AUTS2: variants seen among roughly 807,000 people sequenced by gnomAD.
The protein encoded by AUTS2 is activator of transcription and developmental regulator AUTS2, also known as autism susceptibility gene 2 protein.
Under a neutral mutation model 112.4 loss-of-function variants are expected in AUTS2, and 17 were observed. The observed-to-expected ratio is 0.15, with a 90% CI of 0.10 to 0.23. The LOEUF is 0.23. Among genes scored for constraint, AUTS2 ranks in the 10% least tolerant of loss-of-function variants. The pLI is 1.00. For missense variants in AUTS2, 1,510 were observed against 1,701.6 expected, an observed-to-expected ratio of 0.89 and a Z score of 1.98; for synonymous variants, 751 against 702.7, an observed-to-expected ratio of 1.07 and a Z score of -1.09.
At chr7:69,830,635 G>A (rs1001401028) in intron 1 of AUTS2, among the ~76,000 whole-genome samples, 8 of 152,160 alleles carry the variant, frequency 5.3e-5, no homozygotes, top group African/African-American at 1.9e-4. Flanking sequence ...AACTGAGGAA[G>A]CGTTTGTTAT....
Position 69,948,628 on chromosome 7 carries a change from C to G in AUTS2, c.522+49130C>G, listed in dbSNP as rs201182329. ...AATGGCTAGACTTTTCATCTGTGCT[C>G]TTATCCTAACATGTCTTTAACTCTT... On this transcript the variant is annotated intron_variant, in intron 2 of 18. Transcript: ENST00000342771. 1.4e-4 allele frequency among the ~76,000 whole-genome samples: 21 copies of G among 152,180 alleles called. No homozygotes were observed. The East Asian group carries it at 3.5e-3, about 25-fold the overall frequency.
chr7:70,762,536 G>A (rs1334900192), intron 6 of AUTS2, among the ~76,000 whole-genome samples: 2 of 151,982 alleles, frequency 1.3e-5, no homozygotes, highest in Non-Finnish European at 2.9e-5. Context: ...TCAAAGTGTT[G>A]AGATTACAGG....
At chr7:69,999,065 A>C (rs986793670) in intron 2 of AUTS2, among the ~76,000 whole-genome samples, 9 of 152,182 alleles carry the variant, frequency 5.9e-5, no homozygotes, top group Admixed American at 2.0e-4. Context: ...TTTCTCTGCA[A>C]TATGAATATA....
chr7:69,947,638 C>T (rs1415268140), intron 2 of AUTS2, among the ~76,000 whole-genome samples: 2 of 152,108 alleles, frequency 1.3e-5, no homozygotes, highest in African/African-American at 4.8e-5. Context: ...ATCCAAGTTT[C>T]TGTTTCGGGC....
At chr7:70,520,345 C>T (rs764121070) in intron 5 of AUTS2, among the ~76,000 whole-genome samples, 1 of 152,224 alleles carries the variant, frequency 6.6e-6, no homozygotes, top group Non-Finnish European at 1.5e-5. Flanking sequence ...TGATCTGGCA[C>T]CTGTGCCTGG....
intron 6 of AUTS2, among the ~76,000 whole-genome samples, chr7:70,762,025 C>T (rs115132288): frequency 6.6e-6 from 1 of 152,138 alleles, no homozygotes; most frequent in Non-Finnish European, 1.5e-5. Flanking sequence ...GGAAGTTGAG[C>T]ACTTGCTGAA....
intron 2 of AUTS2, among the ~76,000 whole-genome samples, chr7:69,974,694 G>A (rs1482408534): frequency 2.0e-5 from 3 of 152,100 alleles, no homozygotes; most frequent in Admixed American, 1.3e-4. Context: ...TGAGGTCCAC[G>A]TGCCCAAATA....
intron 6 of AUTS2, among the ~76,000 whole-genome samples, chr7:70,704,551 T>C (rs866477831): frequency 2.8e-4 from 43 of 152,368 alleles, no homozygotes; most frequent in Non-Finnish European, 1.2e-4. Flanking sequence ...CTTCAATCCA[T>C]TCATATTTAG....
At chr7:69,920,560 A>T (rs1216027302) in intron 2 of AUTS2, among the ~76,000 whole-genome samples, 1 of 152,164 alleles carries the variant, frequency 6.6e-6, no homozygotes, top group Non-Finnish European at 1.5e-5. Context: ...TGCTTGGATT[A>T]CAGGTGTAAG....
intron 4 of AUTS2, among the ~76,000 whole-genome samples, chr7:70,143,396 G>A (rs1322968565): frequency 2.0e-5 from 3 of 152,198 alleles, no homozygotes; most frequent in Non-Finnish European, 4.4e-5. Flanking sequence ...AAGCTGTTTA[G>A]ATATAGCACA....
rs980126889 is a variant in AUTS2 at position 70,408,037 on chromosome 7, G to C, written c.661-27715G>C. Among the ~76,000 whole-genome samples, 3 of 145,332 alleles carry C rather than the reference G, an allele frequency of 2.1e-5. No individual in the cohort carries two copies. The Admixed American group carries it at 2.1e-4, about 10-fold the overall frequency. ...CCACTGCACTCCAGCCTGGGCGACAGAGCGAGACTCCATCTCAAAAAAAAA... is the reference window on the plus strand; with the variant it reads ...CCACTGCACTCCAGCCTGGGCGACACAGCGAGACTCCATCTCAAAAAAAAA... On this transcript the variant is annotated intron_variant, in intron 4 of 18. Transcript: ENST00000342771.
chr7:70,570,605 T>C (rs1801898148), intron 5 of AUTS2, among the ~76,000 whole-genome samples: 1 of 152,156 alleles, frequency 6.6e-6, no homozygotes, highest in African/African-American at 2.4e-5. Flanking sequence ...CACTGAACGT[T>C]CCTTTAACTT....
intron 1 of AUTS2, among the ~76,000 whole-genome samples, chr7:69,778,949 T>C (rs560954402): frequency 1.3e-5 from 2 of 151,594 alleles, no homozygotes; most frequent in South Asian, 4.2e-4. Context: ...AGGCTGAACT[T>C]TGAAAAATGA....
chr7:70,519,189 C>T (rs1263706563), intron 5 of AUTS2, among the ~76,000 whole-genome samples: 1 of 152,128 alleles, frequency 6.6e-6, no homozygotes, highest in Non-Finnish European at 1.5e-5. Flanking sequence ...GTGGCATCAA[C>T]ACGGTCATAG....
chr7:69,663,469 C>T (rs1240933784), intron 1 of AUTS2, among the ~76,000 whole-genome samples: 2 of 152,130 alleles, frequency 1.3e-5, no homozygotes, highest in Admixed American at 1.3e-4. Flanking sequence ...TGCTGGAGAT[C>T]ATTTTCACCT....
chr7:70,465,744 G>A (rs137961187), intron 5 of AUTS2, among the ~76,000 whole-genome samples: 2 of 152,268 alleles, frequency 1.3e-5, no homozygotes, highest in African/African-American at 2.4e-5. Flanking sequence ...CATACAACAC[G>A]TGTTCTTCTC....
At chr7:69,965,335 A>G (rs1204831551) in intron 2 of AUTS2, among the ~76,000 whole-genome samples, 1 of 152,144 alleles carries the variant, frequency 6.6e-6, no homozygotes, top group Non-Finnish European at 1.5e-5. Context: ...CCATCCAGCA[A>G]CTACTAGCGA....
At chr7:70,404,981 A>C (rs1487861896) in intron 4 of AUTS2, among the ~76,000 whole-genome samples, 1 of 152,208 alleles carries the variant, frequency 6.6e-6, no homozygotes, top group Non-Finnish European at 1.5e-5. Context: ...AGTGGAAACC[A>C]TTGCCCTTTA....
intron 1 of AUTS2, among the ~76,000 whole-genome samples, chr7:69,830,652 A>T (rs368919235): frequency 2.0e-5 from 3 of 152,196 alleles, no homozygotes; most frequent in African/African-American, 7.2e-5. Context: ...TTATTTGTTT[A>T]AATGAGTGTC....
Sources: allele counts gnomAD v4.1 joint callset (sites outside exome capture counted in the v4.1 genomes callset), GRCh38; gene constraint gnomAD v4.1.1; transcripts MANE v1.5; gene names NCBI Gene and HGNC (gene_info 2026-07-23, HGNC 2026-07-21).